The following PSME4 variants were observed in gnomAD, a reference collection of about 807,000 sequenced individuals.
PSME4 encodes proteasome activator complex subunit 4.
In PSME4, 89 loss-of-function variants were observed where a neutral mutation model predicts 253.9. That is an observed-to-expected ratio of 0.35 (90% CI 0.30 to 0.42). The LOEUF (loss-of-function observed/expected upper bound fraction) is 0.42. PSME4 is among the 10% of genes least tolerant of loss of function. The probability of loss-of-function intolerance (pLI) is 1.00; values close to 1 mark genes in which losing one functional copy is unlikely to be tolerated. For missense variants in PSME4, 2,014 were observed against 2,195.2 expected (o/e 0.92, Z 1.65); for synonymous variants, 851 against 759.2 (o/e 1.12, Z -1.99).
intron 19 of PSME4, 59 bp from the exon 20 acceptor site, chr2:53,919,305 G>A (rs1308924707): frequency 4.0e-6 from 6 of 1,505,594 alleles, no homozygotes; most frequent in Non-Finnish European, 5.3e-6. Flanking sequence ...AAGCCTGCTA[G>A]AGCCTAGCAC....
intron 4 of PSME4, among the ~76,000 whole-genome samples, chr2:53,937,920 G>C (rs760438534): frequency 1.3e-5 from 2 of 151,872 alleles, no homozygotes; most frequent in Non-Finnish European, 2.9e-5. Context: ...TAGAGCCCAG[G>C]AGATGGAGGT....
chr2:53,970,530 C>G lies in PSME4; in HGVS notation c.242+13G>C. On this transcript the variant is annotated intron_variant, in intron 1 of 46. Coordinates refer to ENST00000404125, the MANE Select transcript of PSME4 (RefSeq NM_014614.3). Reference sequence around the variant, plus strand: ...TTCCCCCCGGCCCGGCCCGCAGGCCCGGGCACACTTACGTGGAGAGTTTCC... The same window carrying G: ...TTCCCCCCGGCCCGGCCCGCAGGCCGGGGCACACTTACGTGGAGAGTTTCC... 6.5e-7 allele frequency: 1 copy of G among 1,547,688 alleles called. No homozygotes were observed. The highest frequency in any genetic ancestry group is 8.7e-7 in the Non-Finnish European group (1 of 1,146,798).
rs1234223174 is a variant in PSME4, at chr2:53,883,180, CA to C, written c.4815+2509del. On this transcript the variant is annotated intron_variant, in intron 41 of 46. Transcript: ENST00000404125. ...CTTACACTGTTACTGAAATTTTCCA[CA>C]AACTTCAAAGTTTTTTTTATTAACT... Among the ~76,000 whole-genome samples, 6 of 152,278 alleles carry C rather than the reference CA, an allele frequency of 3.9e-5. No individual in the cohort carries two copies. In the East Asian group the frequency reaches 1.2e-3, roughly 29 times the overall value.
intron 27 of PSME4, 49 bp from the exon 28 acceptor site, chr2:53,901,608 C>A: frequency 6.7e-7 from 1 of 1,485,820 alleles, no homozygotes; most frequent in South Asian, 1.2e-5. Context: ...TAAGAGGCAT[C>A]ATGTAGTTGT....
intron 43 of PSME4, 174 bp from the exon 44 acceptor site, chr2:53,869,712 G>A (rs535975422): frequency 2.2e-6 from 1 of 445,136 alleles, no homozygotes; most frequent in Non-Finnish European, 3.9e-6. Flanking sequence ...CAAAGAGTTT[G>A]TGGCCTCATA....
chr2:53,926,450 A>C (rs930886461), intron 12 of PSME4, among the ~76,000 whole-genome samples: 1 of 152,036 alleles, frequency 6.6e-6, no homozygotes, highest in African/African-American at 2.4e-5. Flanking sequence ...GAGGCAAGCG[A>C]ATCACTTGAG....
At chr2:53,920,475 C>T in intron 18 of PSME4, 125 bp from the exon 19 acceptor site, 1 of 945,518 alleles carries the variant, frequency 1.1e-6, no homozygotes, top group Non-Finnish European at 1.5e-6. Context: ...CCTAAGGTAG[C>T]AAATGATATA....
chr2:53,918,857 C>T (rs1263494097), intron 20 of PSME4, among the ~76,000 whole-genome samples: 1 of 152,002 alleles, frequency 6.6e-6, no homozygotes, highest in Non-Finnish European at 1.5e-5. Flanking sequence ...TTTAAAAGAA[C>T]AGCATTTATC....
chr2:53,957,570 G>A (rs1046526730), intron 1 of PSME4, among the ~76,000 whole-genome samples: 3 of 152,148 alleles, frequency 2.0e-5, no homozygotes, highest in African/African-American at 7.2e-5. Context: ...AGGCAGTAAT[G>A]TGAGCAATGG....
intron 3 of PSME4, among the ~76,000 whole-genome samples, chr2:53,940,964 T>TATATACATATTTAA (rs1558413892): frequency 4.3e-5 from 2 of 46,338 alleles, no homozygotes; most frequent in Non-Finnish European, 1.0e-4. Context: ...TATATATATA[T>TATATACATATTTAA]ATATATATAT....
At chr2:53,920,099 T>C (rs368910654) in intron 19 of PSME4, 94 bp downstream of exon 19, 10 of 1,126,116 alleles carry the variant, frequency 8.9e-6, no homozygotes, top group South Asian at 7.0e-5. Flanking sequence ...CAAAACACAA[T>C]TGAAAATTAA....
At chr2:53,948,612 G>A (rs1573357971) in intron 2 of PSME4, 75 bp from the exon 3 acceptor site, 1 of 942,030 alleles carries the variant, frequency 1.1e-6, no homozygotes. Context: ...ATACTACACA[G>A]GGACAGTTAA....
chr2:53,950,051 G>A (rs371642220), intron 1 of PSME4, among the ~76,000 whole-genome samples: 24 of 152,210 alleles, frequency 1.6e-4, no homozygotes, highest in African/African-American at 4.8e-4. Context: ...AAAGCAGGAG[G>A]ATCACTTGAA....
chr2:53,911,010 A>C (rs1455091207), intron 20 of PSME4, among the ~76,000 whole-genome samples: 2 of 152,206 alleles, frequency 1.3e-5, no homozygotes, highest in Non-Finnish European at 2.9e-5. Flanking sequence ...ACTTGCCATG[A>C]AGAAAATACT....
At position 53,898,633 on chromosome 2, in the gene PSME4, G is replaced by GTACACACA. The variant is rs202043988; in HGVS notation, c.3423-280_3423-279insTGTGTGTA. Among the ~76,000 whole-genome samples, 564 of 142,500 alleles carry GTACACACA rather than the reference G, an allele frequency of 4.0e-3. 4 individuals are homozygous for GTACACACA. Among genetic ancestry groups the GTACACACA allele is most frequent in the Middle Eastern group, 0.011 (3 of 282 alleles). 93.5% of individuals were successfully genotyped at this position (142,500 alleles called of 152,430 possible). On this transcript the variant is annotated intron_variant, in intron 29 of 46. Transcript: ENST00000404125. Reference sequence around the variant, plus strand: ...AGTAGTAATCAATTAATTGGGAGTGGCACACACACACACACACACACACAC... The same window carrying GTACACACA: ...AGTAGTAATCAATTAATTGGGAGTGGTACACACACACACACACACACACACACACACAC...
chr2:53,869,661 T>A (rs1328895707), intron 43 of PSME4, 123 bp from the exon 44 acceptor site: 2 of 708,654 alleles, frequency 2.8e-6, no homozygotes, highest in East Asian at 5.4e-5. Context: ...ATTTTGTGTA[T>A]GCTCTTTGGC....
chr2:53,872,815 TATA>T (rs1171187463), intron 43 of PSME4, among the ~76,000 whole-genome samples: 1 of 136,002 alleles, frequency 7.4e-6, no homozygotes, highest in African/African-American at 2.7e-5. Flanking sequence ...ATGCAAGCGG[TATA>T]ATAATTAAAG....
At position 53,949,124 on chromosome 2, in the gene PSME4, C is replaced by T; in HGVS notation, c.383+19G>A. The T allele has an allele frequency of 6.4e-7, 1 of 1,571,376 alleles. No individual in the cohort carries two copies. Among genetic ancestry groups the T allele is most frequent in the African/African-American group, 1.4e-5 (1 of 73,422 alleles). Reference sequence around the variant, plus strand: ...AGAAACAAACAAACCTTAACAGAAACCTCTGGAAAAAGACTTACTTTAACA... The same window carrying T: ...AGAAACAAACAAACCTTAACAGAAATCTCTGGAAAAAGACTTACTTTAACA... On this transcript the variant is annotated intron_variant, in intron 2 of 46. Transcript: ENST00000404125.
At position 53,932,880 on chromosome 2, in the gene PSME4, A is replaced by G. The variant is rs1304973142; in HGVS notation, c.958-120T>C. The G allele has an allele frequency of 4.4e-6, 3 of 681,904 alleles. No individual in the cohort carries two copies. In the East Asian group the frequency reaches 8.0e-5, roughly 18 times the overall value. 42.2% of individuals were successfully genotyped at this position (681,904 alleles called of 1,614,324 possible). A position where few individuals can be genotyped will look rare whatever the true frequency, so the allele number is the denominator to read the frequency against. ...GTTTATAGTCAACTTGCTGACAAAA[A>G]TAAATTCTACCTTTAAATAAGAGTC... On this transcript the variant is annotated intron_variant, in intron 8 of 46. Coordinates refer to ENST00000404125, the MANE Select transcript of PSME4 (RefSeq NM_014614.3).
Sources: allele counts gnomAD v4.1 joint callset (sites outside exome capture counted in the v4.1 genomes callset), GRCh38; gene constraint gnomAD v4.1.1; transcripts MANE v1.5; gene names NCBI Gene and HGNC (gene_info 2026-07-23, HGNC 2026-07-21).